Variants in JPH3 observed in about 807,000 individuals in gnomAD.
JPH3 encodes junctophilin-3.
In JPH3, 11 loss-of-function variants were observed where a neutral mutation model predicts 59.6. The observed-to-expected ratio is 0.18, with a 90% CI of 0.12 to 0.31. The LOEUF (loss-of-function observed/expected upper bound fraction) is 0.31. JPH3 is among the 10% of genes least tolerant of loss of function. The pLI is 1.00. For missense variants in JPH3, 1,202 were observed against 1,105.7 expected (o/e 1.09, Z -1.24); for synonymous variants, 673 against 483.6 (o/e 1.39, Z -5.14).
intron 2 of JPH3, among the ~76,000 whole-genome samples, chr16:87,650,881 G>T (rs1313285233): frequency 6.6e-6 from 1 of 152,234 alleles, no homozygotes; most frequent in Non-Finnish European, 1.5e-5. Context: ...TTACCCAGAA[G>T]ATCTGGCTAA....
intron 3 of JPH3, among the ~76,000 whole-genome samples, chr16:87,687,659 C>T (rs778532861): frequency 6.6e-6 from 1 of 152,194 alleles, no homozygotes; most frequent in Non-Finnish European, 1.5e-5. Flanking sequence ...CACGAGGACC[C>T]GCCCTGCATC....
At chr16:87,682,547 C>T (rs1235062051) in intron 2 of JPH3, among the ~76,000 whole-genome samples, 1 of 152,164 alleles carries the variant, frequency 6.6e-6, no homozygotes, top group African/African-American at 2.4e-5. Flanking sequence ...GAGCACCCAG[C>T]AGGAAGGTGC....
At chr16:87,642,729 C>T (rs1424735268) in intron 1 of JPH3, among the ~76,000 whole-genome samples, 1 of 152,154 alleles carries the variant, frequency 6.6e-6, no homozygotes, top group Admixed American at 6.5e-5. Context: ...GTGCTGAGGC[C>T]CAGCCGTCCT....
At chr16:87,668,931 C>T (rs1298694191) in intron 2 of JPH3, among the ~76,000 whole-genome samples, 1 of 152,164 alleles carries the variant, frequency 6.6e-6, no homozygotes, top group Non-Finnish European at 1.5e-5. Flanking sequence ...CTCTCCCTCG[C>T]CTCCACGTGG....
At chr16:87,626,071 G>A (rs947263084) in intron 1 of JPH3, among the ~76,000 whole-genome samples, 3 of 152,126 alleles carry the variant, frequency 2.0e-5, no homozygotes, top group Non-Finnish European at 2.9e-5. Context: ...TACTGCTATC[G>A]GGGGTGTTTA....
chr16:87,663,242 G>A (rs2032761439), intron 2 of JPH3, among the ~76,000 whole-genome samples: 1 of 151,852 alleles, frequency 6.6e-6, no homozygotes, highest in Non-Finnish European at 1.5e-5. Context: ...CCAAGTAGTT[G>A]GGACTACAGG....
Position 87,689,800 on chromosome 16 carries a change from C to A in JPH3, c.1440C>A (p.Phe480Leu). ...LTPDDSPLQSFPTSPAATPPP... is the reference protein window; with the variant it reads ...LTPDDSPLQSLPTSPAATPPP... Reference sequence around the variant, plus strand: ...CCGACGACAGCCCCCTGCAGAGCTTCCCCACCAGCCCCGCGGCCACCCCGC... The same window carrying A: ...CCGACGACAGCCCCCTGCAGAGCTTACCCACCAGCCCCGCGGCCACCCCGC... The change falls in exon 4 of 5, where the codon TTC becomes TTA. Residue 480 changes from phenylalanine to leucine, a missense_variant. Physicochemically the swap from Phe to Leu is conservative, Grantham distance 22. Coordinates refer to ENST00000284262, the MANE Select transcript of JPH3 (RefSeq NM_020655.4). 1.9e-6 allele frequency: 3 copies of A among 1,593,466 alleles called. No individual in the cohort carries two copies. Among genetic ancestry groups the A allele is most frequent in the Non-Finnish European group, 2.6e-6 (3 of 1,169,674 alleles).
At chr16:87,681,844 G>A (rs1456730363) in intron 2 of JPH3, among the ~76,000 whole-genome samples, 1 of 152,182 alleles carries the variant, frequency 6.6e-6, no homozygotes, top group African/African-American at 2.4e-5. Flanking sequence ...GGCAGGTGCT[G>A]GGATGCAGTG....
rs767702486 is a variant in JPH3 at position 87,644,965 on chromosome 16, G to A, written c.1090G>A (p.Asp364Asn). ...GGCCAGCAAGATCCGCGAGAAGGTGGACCGCGCCGTTGAGGCCGCTGAGCG... is the reference window on the plus strand; with the variant it reads ...GGCCAGCAAGATCCGCGAGAAGGTGAACCGCGCCGTTGAGGCCGCTGAGCG... ...LRASKIREKVDRAVEAAERAA... is the reference protein window; with the variant it reads ...LRASKIREKVNRAVEAAERAA... The change falls in exon 2 of 5, where the codon GAC becomes AAC. Residue 364 changes from aspartate (D) to asparagine (N), a missense_variant. Coordinates refer to ENST00000284262, the MANE Select transcript of JPH3 (RefSeq NM_020655.4). The A allele has an allele frequency of 1.2e-6, 2 of 1,611,058 alleles. No individual in the cohort carries two copies. The highest frequency in any genetic ancestry group is 1.7e-6 in the Non-Finnish European group (2 of 1,179,876).
At chr16:87,605,101 C>A in intron 1 of JPH3, 1 of 347,030 alleles carries the variant, frequency 2.9e-6, no homozygotes, top group East Asian at 7.8e-5. Flanking sequence ...GGGCTGCTAT[C>A]ACCCCCAGGC....
intron 1 of JPH3, among the ~76,000 whole-genome samples, chr16:87,621,797 G>A (rs546025136): frequency 3.1e-4 from 47 of 152,314 alleles, no homozygotes; most frequent in Non-Finnish European, 5.0e-4. Flanking sequence ...GTCTAGGGAC[G>A]TAGGGCTCAC....
At chr16:87,664,058 G>A (rs9940423) in intron 2 of JPH3, among the ~76,000 whole-genome samples, 1,768 of 152,318 alleles carry the variant, frequency 0.012, 32 homozygotes, top group African/African-American at 0.04. Flanking sequence ...CCAGCTGGGC[G>A]CGGTGGCTCA....
At position 87,689,779 on chromosome 16, in the gene JPH3, C is replaced by T. The variant is rs539750381; in HGVS notation, c.1419C>T (p.Asp473=). The change falls in exon 4 of 5, where the codon GAC becomes GAT. Residue 473 remains aspartate (D), a synonymous_variant. Coordinates refer to ENST00000284262, the MANE Select transcript of JPH3 (RefSeq NM_020655.4). The part of the protein sequence containing the change: ...KGTTPSDLTP[D]DSPLQSFPTS... ...CCACTCCCTCCGACCTGACCCCCGA[C>T]GACAGCCCCCTGCAGAGCTTCCCCA... The T allele has an allele frequency of 2.5e-6, 4 of 1,608,866 alleles. No homozygotes were observed. The highest frequency in any genetic ancestry group is 1.3e-5 in the African/African-American group (1 of 74,990).
At chr16:87,682,843 C>CG (rs1253096207) in intron 2 of JPH3, among the ~76,000 whole-genome samples, 3 of 152,344 alleles carry the variant, frequency 2.0e-5, no homozygotes, top group African/African-American at 7.2e-5. Context: ...CAGGCCCCCC[C>CG]GGGGGCCAGC....
chr16:87,659,219 CAA>C (rs960740801), intron 2 of JPH3, among the ~76,000 whole-genome samples: 1 of 151,476 alleles, frequency 6.6e-6, no homozygotes, highest in African/African-American at 2.4e-5. Context: ...ACTGAAAATA[CAA>C]AAAAATTCAG....
At chr16:87,633,607 T>C (rs2031635798) in intron 1 of JPH3, among the ~76,000 whole-genome samples, 1 of 152,030 alleles carries the variant, frequency 6.6e-6, no homozygotes, top group South Asian at 2.1e-4. Context: ...GAGACCAGCC[T>C]GGCCAACATG....
intron 2 of JPH3, among the ~76,000 whole-genome samples, chr16:87,680,157 CCT>C (rs1346048316): frequency 6.6e-6 from 1 of 152,250 alleles, no homozygotes; most frequent in East Asian, 1.9e-4. Context: ...GCGCTGTTTC[CCT>C]GTCTTCAGTA....
At chr16:87,640,859 G>GT (rs2031926568) in intron 1 of JPH3, among the ~76,000 whole-genome samples, 1 of 152,248 alleles carries the variant, frequency 6.6e-6, no homozygotes, top group Non-Finnish European at 1.5e-5. Context: ...CAGTCTTGGG[G>GT]TGAGGGTCCC....
intron 2 of JPH3, among the ~76,000 whole-genome samples, chr16:87,672,771 G>A (rs377137753): frequency 3.9e-4 from 59 of 152,354 alleles, no homozygotes; most frequent in East Asian, 3.1e-3. Context: ...TGATTAAATG[G>A]TATTGGGCCG....
Sources: allele counts gnomAD v4.1 joint callset (sites outside exome capture counted in the v4.1 genomes callset), GRCh38; gene constraint gnomAD v4.1.1; transcripts MANE v1.5; gene names NCBI Gene and HGNC (gene_info 2026-07-23, HGNC 2026-07-21).